Variants in WIPF1 observed in about 807,000 individuals in gnomAD.
WIPF1 encodes WAS/WASL interacting protein family member 1.
A neutral mutation model predicts 35.4 loss-of-function variants in WIPF1; 13 were observed. The ratio of observed to expected loss-of-function variants is 0.37; its 90% CI spans 0.24 to 0.58. WIPF1 has a LOEUF of 0.58. WIPF1 is among the 20% of genes least tolerant of loss of function. The probability of loss-of-function intolerance (pLI) is 0.74; values close to 1 mark genes in which losing one functional copy is unlikely to be tolerated. For missense variants in WIPF1, 591 were observed against 667.0 expected, an observed-to-expected ratio of 0.89 and a Z score of 1.25; for synonymous variants, 267 against 266.3, an observed-to-expected ratio of 1.00 and a Z score of -0.02.
intron 1 of WIPF1, among the ~76,000 whole-genome samples, chr2:174,595,109 A>AAAAAAAAAAAAAATATATAT (rs1553529785): frequency 1.7e-5 from 1 of 57,750 alleles, no homozygotes; most frequent in Non-Finnish European, 2.8e-5. Flanking sequence ...AAAAAAAAAA[A>AAAAAAAAAAAAAATATATAT]ATATATATAT....
intron 1 of WIPF1, among the ~76,000 whole-genome samples, chr2:174,660,457 T>A (rs1333329719): frequency 6.6e-6 from 1 of 152,322 alleles, no homozygotes; most frequent in East Asian, 1.9e-4. Flanking sequence ...TGGCAGGTAG[T>A]CAACATTCCC....
intron 1 of WIPF1, among the ~76,000 whole-genome samples, chr2:174,642,667 T>TTAACA (rs1687323986): frequency 2.0e-5 from 3 of 148,564 alleles, no homozygotes; most frequent in African/African-American, 7.8e-5. Context: ...TTGTTGTTGT[T>TTAACA]GAGACTGGGT....
chr2:174,563,135 C>T (rs1298011267), intron 7 of WIPF1, among the ~76,000 whole-genome samples: 1 of 152,180 alleles, frequency 6.6e-6, no homozygotes, highest in East Asian at 1.9e-4. Flanking sequence ...TAGGTATCTT[C>T]TAATTAAAAA....
chr2:174,660,678 G>A (rs1444522432), intron 1 of WIPF1, among the ~76,000 whole-genome samples: 1 of 152,150 alleles, frequency 6.6e-6, no homozygotes, highest in East Asian at 1.9e-4. Flanking sequence ...CAGTACAGTG[G>A]TTGATGTAAG....
intron 1 of WIPF1, among the ~76,000 whole-genome samples, chr2:174,643,664 C>A (rs1687343833): frequency 6.6e-6 from 1 of 151,618 alleles, no homozygotes; most frequent in African/African-American, 2.4e-5. Flanking sequence ...CCCACCTTGG[C>A]CTCCCAAAGT....
chr2:174,584,629 G>A (rs1685342894), intron 2 of WIPF1, among the ~76,000 whole-genome samples: 1 of 152,162 alleles, frequency 6.6e-6, no homozygotes, highest in Non-Finnish European at 1.5e-5. Context: ...GGAGCAGGAT[G>A]AGCCGGGCAC....
Position 174,682,830 on chromosome 2 carries a change from G to C in WIPF1, c.-95C>G, listed in dbSNP as rs568331339. ...CGCGCCGCGCTGGGCATTTTTTCTGGGAAACTTCTCCCGGGGTCCGCAGGG... is the reference window on the plus strand; with the variant it reads ...CGCGCCGCGCTGGGCATTTTTTCTGCGAAACTTCTCCCGGGGTCCGCAGGG... On this transcript the variant is annotated 5_prime_UTR_variant, in exon 1 of 9. Transcript: ENST00000272746. 2.0e-5 allele frequency: 3 copies of C among 151,820 alleles called. No homozygotes were observed. In the East Asian group the frequency reaches 5.8e-4, roughly 30 times the overall value. The allele number at this position is 151,820 out of a possible 1,614,324, so 9.4% of individuals were successfully genotyped here.
At chr2:174,599,109 G>A (rs1231089601), upstream of WIPF1, among the ~76,000 whole-genome samples, 1 of 152,224 alleles carries the variant, frequency 6.6e-6, no homozygotes, top group African/African-American at 2.4e-5. Context: ...AACGTATGTT[G>A]TCTAACATTG....
intron 1 of WIPF1, chr2:174,625,558 G>T (rs1686805077): frequency 6.6e-6 from 1 of 152,148 alleles, no homozygotes. Context: ...CTGTCAATGG[G>T]GCTCATGGGA....
intron 1 of WIPF1, among the ~76,000 whole-genome samples, chr2:174,668,391 A>T (rs1559177520): frequency 6.6e-6 from 1 of 150,916 alleles, no homozygotes. Context: ...GGGATGTTAC[A>T]TTTTTTTTTA....
chr2:174,563,115 G>T (rs56319222), intron 7 of WIPF1, among the ~76,000 whole-genome samples: 13,351 of 152,204 alleles, frequency 0.088, 786 homozygotes, highest in Non-Finnish European at 0.13. Context: ...ATTCCCTTTT[G>T]TTGGGCATTT....
intron 1 of WIPF1, among the ~76,000 whole-genome samples, chr2:174,679,429 T>C (rs1459659177): frequency 2.0e-5 from 3 of 151,170 alleles, no homozygotes; most frequent in East Asian, 3.9e-4. Flanking sequence ...GATCATGCCA[T>C]TGCACTCCAG....
At chr2:174,588,398 T>C (rs1039562828) in intron 1 of WIPF1, among the ~76,000 whole-genome samples, 1 of 152,164 alleles carries the variant, frequency 6.6e-6, no homozygotes, top group Non-Finnish European at 1.5e-5. Context: ...GAACCTCTTA[T>C]GGGTATGGTT....
chr2:174,574,643 G>A (rs926592545), intron 4 of WIPF1: 6 of 457,726 alleles, frequency 1.3e-5, no homozygotes, highest in Non-Finnish European at 2.3e-5. Context: ...TCTACCATCA[G>A]GTTCATAGAC....
intron 1 of WIPF1, among the ~76,000 whole-genome samples, chr2:174,644,886 C>A (rs1687372081): frequency 6.6e-6 from 1 of 152,136 alleles, no homozygotes; most frequent in African/African-American, 2.4e-5. Context: ...AAGTACTTTT[C>A]AATTTTTAAA....
intron 1 of WIPF1, among the ~76,000 whole-genome samples, chr2:174,668,205 G>A (rs1034647257): frequency 6.6e-6 from 1 of 152,172 alleles, no homozygotes; most frequent in Non-Finnish European, 1.5e-5. Flanking sequence ...ATCTCAGGCA[G>A]GGGGAAGAGA....
intron 1 of WIPF1, chr2:174,630,763 A>G (rs983419580): frequency 1.3e-5 from 2 of 152,174 alleles, no homozygotes; most frequent in African/African-American, 4.8e-5. Flanking sequence ...ATCTCCAGCA[A>G]AAGAATCACC....
At chr2:174,640,972 A>G (rs1687283245) in intron 1 of WIPF1, among the ~76,000 whole-genome samples, 1 of 152,226 alleles carries the variant, frequency 6.6e-6, no homozygotes, top group Non-Finnish European at 1.5e-5. Flanking sequence ...AAAAGAACAA[A>G]GCTGAAGGCA....
At chr2:174,661,886 C>A (rs1687769059) in intron 1 of WIPF1, among the ~76,000 whole-genome samples, 1 of 152,040 alleles carries the variant, frequency 6.6e-6, no homozygotes, top group Non-Finnish European at 1.5e-5. Context: ...GGTGTGGCTG[C>A]CTTAAAGACC....
Sources: gnomAD v4.1 joint callset for allele counts (sites outside exome capture counted in the v4.1 genomes callset) on GRCh38, gnomAD v4.1.1 for gene constraint, MANE v1.5 for transcripts, NCBI Gene and HGNC (gene_info 2026-07-23, HGNC 2026-07-21) for gene names.